GRIK1: variants seen among roughly 807,000 people sequenced by gnomAD.
GRIK1 encodes glutamate ionotropic receptor kainate type subunit 1.
In GRIK1, 69 loss-of-function variants were observed where a neutral mutation model predicts 105.7. That is an observed-to-expected ratio of 0.65 (90% confidence interval 0.54 to 0.80). GRIK1 has a LOEUF of 0.80. GRIK1 is among the 30% of genes least tolerant of loss of function. GRIK1 has a pLI of 0.00. For synonymous variants in GRIK1, 438 were observed against 431.3 expected (o/e 1.02, Z -0.19); for missense variants, 1,109 against 1,167.3 (o/e 0.95, Z 0.73).
At position 29,596,680 on chromosome 21, in the gene GRIK1, C is replaced by T. The variant is rs529689234; in HGVS notation, c.1207-110G>A. On this transcript the variant is annotated intron_variant, in intron 8 of 17. Transcript: ENST00000327783. ...GTGCTTAGAGTGTTACAGTTCCCAC[C>T]CATTGTTTGGAATTTGCATCTTAAT... 7.5e-4 allele frequency: 604 copies of T among 805,194 alleles called. 2 individuals are homozygous for T. The highest frequency in any genetic ancestry group is 1.2e-3 in the Non-Finnish European group (536 of 456,930). The allele number at this position is 805,194 out of a possible 1,614,324, so 49.9% of individuals were successfully genotyped here. A position where few individuals can be genotyped will look rare whatever the true frequency, so the allele number is the denominator to read the frequency against.
At chr21:29,866,651 T>C (rs1296628023) in intron 1 of GRIK1, among the ~76,000 whole-genome samples, 2 of 152,192 alleles carry the variant, frequency 1.3e-5, no homozygotes, top group Non-Finnish European at 2.9e-5. Context: ...GGGATGACAC[T>C]TCTGATGAAC....
intron 7 of GRIK1, among the ~76,000 whole-genome samples, chr21:29,617,935 T>G (rs902347696): frequency 6.6e-6 from 1 of 152,218 alleles, no homozygotes; most frequent in East Asian, 1.9e-4. Flanking sequence ...CATTTGCATA[T>G]CCTTTCCATT....
At chr21:29,765,225 C>T (rs1007330017) in intron 1 of GRIK1, among the ~76,000 whole-genome samples, 17 of 152,240 alleles carry the variant, frequency 1.1e-4, no homozygotes, top group African/African-American at 4.1e-4. Context: ...GCACTGTGCA[C>T]ACACCACACT....
intron 1 of GRIK1, among the ~76,000 whole-genome samples, chr21:29,741,831 C>T (rs1047539673): frequency 1.3e-5 from 2 of 152,140 alleles, no homozygotes; most frequent in African/African-American, 2.4e-5. Flanking sequence ...AATTGATTGC[C>T]GTTGTTTCAT....
chr21:29,768,707 C>T (rs2065737863), intron 1 of GRIK1, among the ~76,000 whole-genome samples: 1 of 152,150 alleles, frequency 6.6e-6, no homozygotes, highest in African/African-American at 2.4e-5. Context: ...AGAGAGGCAG[C>T]CAGACAGACC....
chr21:29,636,841 T>A (rs2062407616), intron 7 of GRIK1, among the ~76,000 whole-genome samples: 3 of 152,318 alleles, frequency 2.0e-5, no homozygotes, highest in South Asian at 2.1e-4. Context: ...GGCTTTTTTT[T>A]TATATCAATT....
chr21:29,761,386 G>A (rs1189452574), intron 1 of GRIK1: 1 of 152,188 alleles, frequency 6.6e-6, no homozygotes, highest in African/African-American at 2.4e-5. Context: ...GTTCCAGAAA[G>A]TGAATGCAGC....
At chr21:29,782,681 C>T (rs776917894) in intron 1 of GRIK1, among the ~76,000 whole-genome samples, 18 of 152,180 alleles carry the variant, frequency 1.2e-4, no homozygotes, top group Non-Finnish European at 2.1e-4. Context: ...GCAAAGATTT[C>T]CCCATGGATA....
intron 15 of GRIK1, among the ~76,000 whole-genome samples, chr21:29,560,541 TTTC>T (rs1185525381): frequency 9.0e-6 from 1 of 111,008 alleles, no homozygotes; most frequent in African/African-American, 4.0e-5. Flanking sequence ...TCTTTCTTTC[TTTC>T]TTTCTTTCTT....
At chr21:29,839,277 T>C (rs1240372133) in intron 1 of GRIK1, among the ~76,000 whole-genome samples, 2 of 152,124 alleles carry the variant, frequency 1.3e-5, no homozygotes, top group African/African-American at 4.8e-5. Flanking sequence ...CTCAAACTCC[T>C]GACCTCAAGT....
chr21:29,791,494 G>T (rs569216071), intron 1 of GRIK1, among the ~76,000 whole-genome samples: 42 of 152,028 alleles, frequency 2.8e-4, no homozygotes, highest in South Asian at 2.3e-3. Context: ...CAAAGAAGAA[G>T]AAGGAGAAGG....
Position 29,716,469 on chromosome 21 carries a change from G to T in GRIK1, c.119-22406C>A, listed in dbSNP as rs548723456. On this transcript the variant is annotated intron_variant, in intron 1 of 17. Coordinates refer to ENST00000327783, the MANE Select transcript of GRIK1 (RefSeq NM_001330994.2). Reference sequence around the variant, plus strand: ...ATGTGGGAAAATTTGGAACTTCCTAGAGACTTGTTGCATGGCTTTGACCAA... The same window carrying T: ...ATGTGGGAAAATTTGGAACTTCCTATAGACTTGTTGCATGGCTTTGACCAA... Among the ~76,000 whole-genome samples the T allele has an allele frequency of 1.8e-4, 27 of 152,294 alleles. 1 individual carries two copies. The South Asian group carries it at 5.0e-3, about 28-fold the overall frequency.
intron 16 of GRIK1, 91 bp downstream of exon 16, chr21:29,554,961 C>A (rs2090211549): frequency 1.8e-6 from 2 of 1,106,498 alleles, no homozygotes; most frequent in Non-Finnish European, 2.6e-6. Context: ...ATTCAATAGA[C>A]TGAAAAAGAG....
chr21:29,583,038 C>T (rs1334774414), intron 12 of GRIK1, among the ~76,000 whole-genome samples: 3 of 152,068 alleles, frequency 2.0e-5, no homozygotes, highest in Non-Finnish European at 2.9e-5. Context: ...AGACACCTTC[C>T]GGAAAGTGTT....
At chr21:29,885,490 A>G (rs992156195) in intron 1 of GRIK1, among the ~76,000 whole-genome samples, 6 of 152,076 alleles carry the variant, frequency 3.9e-5, no homozygotes, top group African/African-American at 1.4e-4. Context: ...AAGGAATAGA[A>G]TTTAGCCCTT....
chr21:29,849,603 G>A (rs553449389), intron 1 of GRIK1, among the ~76,000 whole-genome samples: 1 of 152,292 alleles, frequency 6.6e-6, no homozygotes, highest in Admixed American at 6.5e-5. Context: ...ATAAAAGGCC[G>A]TTTGTTTTTA....
intron 3 of GRIK1, among the ~76,000 whole-genome samples, chr21:29,679,194 A>G (rs753623384): frequency 1.3e-5 from 2 of 152,122 alleles, no homozygotes; most frequent in African/African-American, 4.8e-5. Flanking sequence ...GTTTTTTTCA[A>G]TCACTGCCAC....
intron 1 of GRIK1, among the ~76,000 whole-genome samples, chr21:29,780,522 G>C (rs993126373): frequency 1.3e-5 from 2 of 152,142 alleles, no homozygotes; most frequent in African/African-American, 4.8e-5. Flanking sequence ...ATTTCACTTA[G>C]CTAGGGTAAA....
At chr21:29,890,993 A>G (rs1834958345) in intron 1 of GRIK1, among the ~76,000 whole-genome samples, 1 of 152,188 alleles carries the variant, frequency 6.6e-6, no homozygotes, top group South Asian at 2.1e-4. Flanking sequence ...TACTGAGGAG[A>G]CTAGAATATC....
Sources: allele counts gnomAD v4.1 joint callset (sites outside exome capture counted in the v4.1 genomes callset), GRCh38; gene constraint gnomAD v4.1.1; transcripts MANE v1.5; gene names NCBI Gene and HGNC (gene_info 2026-07-23, HGNC 2026-07-21).